KCNH2: variants seen among roughly 807,000 people sequenced by gnomAD.
KCNH2 encodes the protein voltage-gated inwardly rectifying potassium channel KCNH2.
In KCNH2, 35 loss-of-function variants were observed where a neutral mutation model predicts 95.9. That is an observed-to-expected ratio of 0.37 (90% CI 0.28 to 0.48). The LOEUF is 0.48. Ranked by LOEUF, KCNH2 falls within the 20% of genes least tolerant of loss-of-function variation. KCNH2 has a pLI of 0.99. For missense variants in KCNH2, 1,274 were observed against 1,702.9 expected (o/e 0.75, Z 4.43); for synonymous variants, 786 against 754.7 (o/e 1.04, Z -0.68).
chr7:150,977,782 A>G, intron 1 of KCNH2, 56 bp downstream of exon 1: 6 of 839,546 alleles, frequency 7.1e-6, no homozygotes, highest in Non-Finnish European at 9.1e-6. Context: ...CCACACTCGG[A>G]AGAGCTCGGC....
In KCNH2 at chr7:150,956,295, C is replaced by G. The variant is rs564083655; in HGVS notation, c.1128+996G>C. ...GAGGGGGAATGCTCTGGAGTCAAGG[C>G]CAGTGGGCTGGAGACCTGGCAGGGA... On this transcript the variant is annotated intron_variant, in intron 5 of 14. Coordinates refer to ENST00000262186, the MANE Select transcript of KCNH2 (RefSeq NM_000238.4). Among the ~76,000 whole-genome samples, 103 of 152,282 alleles carry G rather than the reference C, an allele frequency of 6.8e-4. No homozygotes were observed. The Middle Eastern group carries it at 0.02, about 30-fold the overall frequency.
rs1217847609 is a variant in KCNH2, at chr7:150,952,310, T to TTCTC, written c.1557+111_1557+114dup. ...TCTCTCTCCCACTGTCTTTCTCTCT[T>TTCTC]TCTCTCTCTCTCTCTTTTTCTCTGT... On this transcript the variant is annotated intron_variant, in intron 6 of 14. Coordinates refer to ENST00000262186, the MANE Select transcript of KCNH2 (RefSeq NM_000238.4). This position sits in a 1 kb window ranked among gnomAD's most constrained non-coding sequence, Gnocchi z 7.3. 3 of 1,087,110 alleles carry TTCTC rather than the reference T, an allele frequency of 2.8e-6. No individual in the cohort carries two copies. Among genetic ancestry groups the TTCTC allele is most frequent in the Admixed American group, 2.0e-5 (1 of 49,258 alleles). 67.3% of individuals were successfully genotyped at this position (1,087,110 alleles called of 1,614,324 possible).
rs1366473276 is a variant in KCNH2 at position 150,945,634 on chromosome 7, G to C, written c.3331-120C>G. On this transcript the variant is annotated intron_variant, in intron 14 of 14. Transcript: ENST00000262186. The surrounding 1 kb of genome is among the most constrained non-coding windows in gnomAD (Gnocchi z 5.6). ...CGGGAGGACAGGAGGGCCAAGAGGA[G>C]AGTCAGGTGGGCAGAGAAGCTGGAG... The C allele has an allele frequency of 4.7e-6, 5 of 1,073,594 alleles. No individual in the cohort carries two copies. Among genetic ancestry groups the C allele is most frequent in the African/African-American group, 3.1e-5 (2 of 63,760 alleles). The allele number at this position is 1,073,594 out of a possible 1,614,324, so 66.5% of individuals were successfully genotyped here.
rs201021019 is a variant in KCNH2, at chr7:150,950,904, C to T, written c.2145+17G>A. ...TTCCCAGCCTGCCACCCACTGGCCA[C>T]GCTCTGGTGGCCTCACCGCGTTCAT... On this transcript the variant is annotated intron_variant, in intron 8 of 14. Transcript: ENST00000262186. 8.1e-6 allele frequency: 13 copies of T among 1,613,324 alleles called. No individual in the cohort carries two copies. Among genetic ancestry groups the T allele is most frequent in the East Asian group, 4.5e-5 (2 of 44,874 alleles).
intron 8 of KCNH2, 36 bp from the exon 9 acceptor site, chr7:150,950,456 C>T (rs1425858297): frequency 1.9e-6 from 3 of 1,605,214 alleles, no homozygotes. Context: ...GCACACCCTC[C>T]CTTGGGACCC....
chr7:150,968,830 C>T (rs1300538485), intron 2 of KCNH2, among the ~76,000 whole-genome samples: 2 of 152,106 alleles, frequency 1.3e-5, no homozygotes, highest in East Asian at 1.9e-4. Context: ...GCTGAGGCCC[C>T]GGATCAGGCT....
At chr7:150,958,626 C>T (rs1471642489) in intron 3 of KCNH2, 124 bp from the exon 4 acceptor site, 1 of 630,476 alleles carries the variant, frequency 1.6e-6, no homozygotes, top group East Asian at 3.6e-5. Flanking sequence ...CCCCCATCCC[C>T]ACTTCCATTC....
Position 150,947,754 on chromosome 7 carries a change from C to G in KCNH2, c.2817G>C (p.Glu939Asp). The G allele has an allele frequency of 6.5e-7, 1 of 1,546,256 alleles. No homozygotes were observed. The highest frequency in any genetic ancestry group is 8.7e-7 in the Non-Finnish European group (1 of 1,149,298). ...ESPSSGPSSPESSEDEGPGRS... is the reference protein window; with the variant it reads ...ESPSSGPSSPDSSEDEGPGRS... ...GGCCTGGGCCCTCATCCTCACTGCT[C>G]TCAGGGCTGGAGGGGCCACTGGACG... Residue 939 changes from glutamate (E) to aspartate (D), a missense_variant, in exon 12 of 15, where the codon GAG becomes GAC. Transcript: ENST00000262186.
Position 150,967,108 on chromosome 7 carries a change from G to A in KCNH2, c.308-7372C>T, listed in dbSNP as rs559405548. On this transcript the variant is annotated intron_variant, in intron 2 of 14. Coordinates refer to ENST00000262186, the MANE Select transcript of KCNH2 (RefSeq NM_000238.4). ...ATCCTGGCCAACATGGAGAAACCCC[G>A]TCTCTACTAAAAATACAAAAATTAG... 5.9e-5 allele frequency among the ~76,000 whole-genome samples: 9 copies of A among 152,122 alleles called. No homozygotes were observed. The South Asian group carries it at 1.0e-3, about 18-fold the overall frequency.
chr7:150,962,173 T>C lies in KCNH2; in HGVS notation c.308-2437A>G, dbSNP rs1178445256. On this transcript the variant is annotated intron_variant, in intron 2 of 14. Coordinates refer to ENST00000262186, the MANE Select transcript of KCNH2 (RefSeq NM_000238.4). This position sits in a 1 kb window ranked among gnomAD's most constrained non-coding sequence, Gnocchi z 5.7. Reference sequence around the variant, plus strand: ...TGGCACCCAGACAGCCTGCCTGGAGTTTATGCCCTAATATGGTGATGGCCG... The same window carrying C: ...TGGCACCCAGACAGCCTGCCTGGAGCTTATGCCCTAATATGGTGATGGCCG... 6.6e-6 allele frequency among the ~76,000 whole-genome samples: 1 copy of C among 151,902 alleles called. No homozygotes were observed. The highest frequency in any genetic ancestry group is 1.5e-5 in the Non-Finnish European group (1 of 67,918).
chr7:150,948,854 AC>A lies in KCNH2; in HGVS notation c.2592+1del. On this transcript the variant is annotated splice_donor_variant, in intron 10 of 14. Coordinates refer to ENST00000262186, the MANE Select transcript of KCNH2 (RefSeq NM_000238.4). LOFTEE classifies it high-confidence loss of function. The stretch of plus-strand genomic sequence containing the variant: ...GGGTCCAGCTCAGGGCAGCCAACTC[AC>A]ATCTCGCAGGTTGAAGGTGATCTCC... The A allele has an allele frequency of 6.2e-7, 1 of 1,614,082 alleles. No individual in the cohort carries two copies.
chr7:150,945,078 G>A lies in KCNH2; in HGVS notation c.*287C>T, dbSNP rs1444961556. ...AGTAAATAGCAGAAAAGTCCTTGAG[G>A]TGCCTAAGGCCCAGGGCCGGGTGCC... On this transcript the variant is annotated 3_prime_UTR_variant, in exon 15 of 15. Coordinates refer to ENST00000262186, the MANE Select transcript of KCNH2 (RefSeq NM_000238.4). This position sits in a 1 kb window ranked among gnomAD's most constrained non-coding sequence, Gnocchi z 5.6. The A allele has an allele frequency of 4.5e-6, 2 of 446,654 alleles. No individual in the cohort carries two copies. The highest frequency in any genetic ancestry group is 8.0e-6 in the Non-Finnish European group (2 of 250,474). The allele number at this position is 446,654 out of a possible 1,614,324, so 27.7% of individuals were successfully genotyped here.
intron 2 of KCNH2, among the ~76,000 whole-genome samples, chr7:150,970,325 C>A (rs1317365438): frequency 1.3e-5 from 2 of 151,906 alleles, no homozygotes; most frequent in Non-Finnish European, 2.9e-5. Context: ...GAGCCCAAGG[C>A]CACCATCAAA....
Position 150,958,397 on chromosome 7 carries a change from G to C in KCNH2, c.578C>G (p.Ala193Gly). 2 of 1,454,564 alleles carry C rather than the reference G, an allele frequency of 1.4e-6. No individual in the cohort carries two copies. Among genetic ancestry groups the C allele is most frequent in the Non-Finnish European group, 1.8e-6 (2 of 1,110,960 alleles). 90.1% of individuals were successfully genotyped at this position (1,454,564 alleles called of 1,614,324 possible). A position where few individuals can be genotyped will look rare whatever the true frequency, so the allele number is the denominator to read the frequency against. The change falls in exon 4 of 15, where the codon GCC (alanine) becomes GGC (glycine). Residue 193 changes from alanine to glycine, a missense_variant. Transcript: ENST00000262186. ...GGAGGAGAPG[A>G]VVVDVDLTPA... is the part of the protein sequence containing the mutation. ...CGTCAGGTCCACGTCCACCACCACG[G>C]CCCCCGGGGCGCCCGCGCCGCCCGC...
chr7:150,954,697 G>A (rs1372271523), intron 5 of KCNH2, among the ~76,000 whole-genome samples: 1 of 152,210 alleles, frequency 6.6e-6, no homozygotes, highest in East Asian at 1.9e-4. Flanking sequence ...GATGTGGGGT[G>A]GTGGGGGCAG....
chr7:150,948,394 C>A, intron 11 of KCNH2, 50 bp downstream of exon 11: 1 of 1,439,696 alleles, frequency 6.9e-7, no homozygotes, highest in South Asian at 1.2e-5. Context: ...TTCCAGCTCC[C>A]AGCCTCACCT....
chr7:150,946,741 G>C lies in KCNH2; in HGVS notation c.3330+136C>G. On this transcript the variant is annotated intron_variant, in intron 14 of 14. Coordinates refer to ENST00000262186, the MANE Select transcript of KCNH2 (RefSeq NM_000238.4). The surrounding 1 kb of genome is among the most constrained non-coding windows in gnomAD (Gnocchi z 6.5). ...AAGCAGCCTTCCTCCAGGAGGACAG[G>C]GGTGGGAGGAGGGCAGGAACAAGGT... 1 of 788,350 alleles carries C rather than the reference G, an allele frequency of 1.3e-6. No homozygotes were observed. The highest frequency in any genetic ancestry group is 1.8e-5 in the South Asian group (1 of 56,302). The allele number at this position is 788,350 out of a possible 1,614,324, so 48.8% of individuals were successfully genotyped here.
At chr7:150,971,396 G>T (rs1801836039) in intron 2 of KCNH2, among the ~76,000 whole-genome samples, 1 of 152,156 alleles carries the variant, frequency 6.6e-6, no homozygotes, top group African/African-American at 2.4e-5. Context: ...GTTGCAGTGG[G>T]GGGCCCTCTG....
intron 2 of KCNH2, among the ~76,000 whole-genome samples, chr7:150,968,904 A>G (rs536433092): frequency 1.3e-5 from 2 of 152,326 alleles, no homozygotes; most frequent in South Asian, 4.1e-4. Context: ...GCCCTGCTTC[A>G]TGGCGAGGAG....
Sources: gnomAD v4.1 joint callset for allele counts (sites outside exome capture counted in the v4.1 genomes callset) on GRCh38, gnomAD v4.1.1 for gene constraint, Gnocchi (gnomAD v3.1) non-coding constraint, MANE v1.5 for transcripts, NCBI Gene and HGNC (gene_info 2026-07-23, HGNC 2026-07-21) for gene names.